GRIK4: variants seen among roughly 807,000 people sequenced by gnomAD.
GRIK4 encodes the protein glutamate receptor ionotropic, kainate 4.
Under a neutral mutation model 104.9 loss-of-function variants are expected in GRIK4, and 40 were observed. The observed-to-expected ratio is 0.38, with a 90% CI of 0.30 to 0.50. GRIK4 has a LOEUF of 0.50. GRIK4 is among the 20% of genes least tolerant of loss of function. GRIK4 has a pLI of 0.93. For synonymous variants in GRIK4, 485 were observed against 524.9 expected, an observed-to-expected ratio of 0.92 and a Z score of 1.04; for missense variants, 1,047 against 1,308.1, an observed-to-expected ratio of 0.80 and a Z score of 3.08.
At chr11:120,518,296 G>A (rs963044017) in intron 1 of GRIK4, among the ~76,000 whole-genome samples, 1 of 152,218 alleles carries the variant, frequency 6.6e-6, no homozygotes, top group Non-Finnish European at 1.5e-5. Context: ...GCTGTGCTGA[G>A]CACGAGTCCG....
chr11:120,546,818 G>A (rs762223393), intron 1 of GRIK4, among the ~76,000 whole-genome samples: 6 of 152,168 alleles, frequency 3.9e-5, no homozygotes, highest in Non-Finnish European at 8.8e-5. Context: ...TGGAATTTGT[G>A]GGGAACTTCA....
At chr11:120,631,964 T>C (rs547873466) in intron 1 of GRIK4, among the ~76,000 whole-genome samples, 22 of 152,186 alleles carry the variant, frequency 1.4e-4, no homozygotes, top group Non-Finnish European at 2.8e-4. Context: ...TCATATACTG[T>C]TGAGCAGTCA....
intron 1 of GRIK4, among the ~76,000 whole-genome samples, chr11:120,595,602 A>G (rs548338393): frequency 6.6e-6 from 1 of 152,100 alleles, no homozygotes; most frequent in Non-Finnish European, 1.5e-5. Flanking sequence ...CTTTAGCCAC[A>G]TGGAATGGTG....
At chr11:120,737,609 C>G (rs1319659258) in intron 3 of GRIK4, among the ~76,000 whole-genome samples, 1 of 151,792 alleles carries the variant, frequency 6.6e-6, no homozygotes, top group South Asian at 2.1e-4. Context: ...AGGAGGAATC[C>G]GTAAATTAAA....
chr11:120,900,371 G>A (rs560753243), intron 12 of GRIK4, among the ~76,000 whole-genome samples: 25 of 152,322 alleles, frequency 1.6e-4, no homozygotes, highest in African/African-American at 6.0e-4. Flanking sequence ...TGGGGTCACT[G>A]AACATTTTCA....
chr11:120,656,022 A>G (rs1949704711), intron 2 of GRIK4, among the ~76,000 whole-genome samples: 1 of 152,164 alleles, frequency 6.6e-6, no homozygotes, highest in Non-Finnish European at 1.5e-5. Context: ...GCAGGGGAGA[A>G]ACCCCCCATG....
rs536148250 is a variant in GRIK4 at position 120,565,893 on chromosome 11, C to G, written c.-159+54006C>G. 2.0e-5 allele frequency among the ~76,000 whole-genome samples: 3 copies of G among 152,294 alleles called. No homozygotes were observed. The South Asian group carries it at 6.2e-4, about 32-fold the overall frequency. ...GAGAGTGAAAAGCAAGACAGGAAATCTAGGAGAAAGAGTTGAGACACACGT... is the reference window on the plus strand; with the variant it reads ...GAGAGTGAAAAGCAAGACAGGAAATGTAGGAGAAAGAGTTGAGACACACGT... On this transcript the variant is annotated intron_variant, in intron 1 of 20. Transcript: ENST00000527524.
chr11:120,786,552 C>G (rs564325924), intron 3 of GRIK4, among the ~76,000 whole-genome samples: 1 of 152,198 alleles, frequency 6.6e-6, no homozygotes, highest in Non-Finnish European at 1.5e-5. Flanking sequence ...CTGATCACCT[C>G]CTACTCTTAG....
At chr11:120,547,629 T>G (rs1199075251) in intron 1 of GRIK4, among the ~76,000 whole-genome samples, 1 of 152,114 alleles carries the variant, frequency 6.6e-6, no homozygotes, top group East Asian at 1.9e-4. Flanking sequence ...ACACTTGGTT[T>G]TTCCATGGAA....
intron 3 of GRIK4, among the ~76,000 whole-genome samples, chr11:120,768,460 G>A (rs761039481): frequency 6.6e-6 from 1 of 151,918 alleles, no homozygotes; most frequent in Non-Finnish European, 1.5e-5. Context: ...TAAAACTTTC[G>A]AGTTTTCTAC....
intron 4 of GRIK4, among the ~76,000 whole-genome samples, chr11:120,806,873 T>C (rs1273224307): frequency 6.6e-6 from 1 of 152,156 alleles, no homozygotes; most frequent in Non-Finnish European, 1.5e-5. Context: ...CACGGGGCAT[T>C]AATTAATAGC....
At chr11:120,586,864 GC>G (rs1378119420) in intron 1 of GRIK4, among the ~76,000 whole-genome samples, 2 of 152,180 alleles carry the variant, frequency 1.3e-5, no homozygotes, top group East Asian at 3.8e-4. Context: ...CAGTCGCGCT[GC>G]CCCAGGCATA....
chr11:120,825,166 T>C (rs1015518240), intron 6 of GRIK4, among the ~76,000 whole-genome samples: 2 of 152,152 alleles, frequency 1.3e-5, no homozygotes, highest in African/African-American at 4.8e-5. Context: ...CCTTAGGTCA[T>C]CCGCCCACCT....
chr11:120,761,263 T>C (rs935767103), intron 3 of GRIK4, among the ~76,000 whole-genome samples: 5 of 152,228 alleles, frequency 3.3e-5, no homozygotes, highest in Admixed American at 3.3e-4. Flanking sequence ...AAAGAGTCTG[T>C]TCATATCCTT....
chr11:120,655,875 T>C (rs1010738041), intron 2 of GRIK4, among the ~76,000 whole-genome samples: 5 of 151,914 alleles, frequency 3.3e-5, no homozygotes, highest in African/African-American at 4.8e-5. Flanking sequence ...TACGCCTTCT[T>C]TTTAGGACAA....
intron 14 of GRIK4, among the ~76,000 whole-genome samples, chr11:120,951,659 C>G (rs1346657393): frequency 1.3e-5 from 2 of 152,144 alleles, no homozygotes; most frequent in Non-Finnish European, 2.9e-5. Context: ...TGCATCTAGT[C>G]CAGTGGTTTT....
chr11:120,554,625 C>T (rs1484856723), intron 1 of GRIK4, among the ~76,000 whole-genome samples: 3 of 151,702 alleles, frequency 2.0e-5, no homozygotes, highest in Non-Finnish European at 4.4e-5. Context: ...GTGGCGCGAT[C>T]TCTGCTCATT....
intron 1 of GRIK4, among the ~76,000 whole-genome samples, chr11:120,647,220 T>A (rs527520879): frequency 3.8e-4 from 58 of 152,308 alleles, no homozygotes; most frequent in African/African-American, 1.4e-3. Flanking sequence ...GAAATTTTCT[T>A]TTCCAGTTTG....
chr11:120,718,249 G>A (rs533186730), intron 3 of GRIK4, among the ~76,000 whole-genome samples: 3 of 152,070 alleles, frequency 2.0e-5, no homozygotes, highest in Admixed American at 2.0e-4. Context: ...GGACCTCCCA[G>A]CCACTCCCTC....
Sources: allele counts gnomAD v4.1 joint callset (sites outside exome capture counted in the v4.1 genomes callset), GRCh38; gene constraint gnomAD v4.1.1; transcripts MANE v1.5; gene names NCBI Gene and HGNC (gene_info 2026-07-23, HGNC 2026-07-21).